TUT7: variants seen among roughly 807,000 people sequenced by gnomAD.
TUT7 encodes the protein terminal uridylyltransferase 7.
Under a neutral mutation model 165.9 loss-of-function variants are expected in TUT7, and 33 were observed. The ratio of observed to expected loss-of-function variants is 0.20; its 90% CI spans 0.15 to 0.27. TUT7 has a LOEUF of 0.27. Among genes scored for constraint, TUT7 ranks in the 10% least tolerant of loss-of-function variants. The pLI, the probability that TUT7 is intolerant of heterozygous loss-of-function variation, is 1.00. For synonymous variants in TUT7, 552 were observed against 608.1 expected, an observed-to-expected ratio of 0.91 and a Z score of 1.36; for missense variants, 1,338 against 1,762.3, an observed-to-expected ratio of 0.76 and a Z score of 4.31.
chr9:86,349,530 T>C (rs907525595), intron 2 of TUT7, among the ~76,000 whole-genome samples: 1 of 152,004 alleles, frequency 6.6e-6, no homozygotes, highest in African/African-American at 2.4e-5. Context: ...GGGGCAGTAA[T>C]GTAGAGCTGA....
rs1828058640 is a variant in TUT7 at position 86,311,588 on chromosome 9, T to TTCCCTCTCCCCTCTCCCCACGGTC, written c.3275-803_3275-780dup. Among the ~76,000 whole-genome samples, 1 of 137,696 alleles carries TTCCCTCTCCCCTCTCCCCACGGTC rather than the reference T, an allele frequency of 7.3e-6. No individual in the cohort carries two copies. Among genetic ancestry groups the TTCCCTCTCCCCTCTCCCCACGGTC allele is most frequent in the Non-Finnish European group, 1.6e-5 (1 of 63,000 alleles). The allele number at this position is 137,696 out of a possible 152,430, so 90.3% of individuals were successfully genotyped here. On this transcript the variant is annotated intron_variant, in intron 17 of 26. Transcript: ENST00000375963. The surrounding 1 kb of genome is among the most constrained non-coding windows in gnomAD (Gnocchi z 4.4). ...GTCCTCTCCCTCTCCCTCTCCCCTC[T>TTCCCTCTCCCCTCTCCCCACGGTC]TCCCTCTCCCCTCTCCCCACGGTCT...
chr9:86,328,510 C>A lies in TUT7; in HGVS notation c.1456-18G>T. 6.3e-7 allele frequency: 1 copy of A among 1,588,878 alleles called. No homozygotes were observed. Among genetic ancestry groups the A allele is most frequent in the Non-Finnish European group, 8.6e-7 (1 of 1,168,254 alleles). On this transcript the variant is annotated intron_variant, in intron 10 of 26. Coordinates refer to ENST00000375963, the MANE Select transcript of TUT7 (RefSeq NM_024617.4). ...CCTTCAATCTAGGAAAAATTAGACA[C>A]ATGCTAAAATAAGATAGAAATAATC...
intron 26 of TUT7, chr9:86,298,880 A>G (rs143453008): frequency 1.1e-6 from 1 of 908,192 alleles, no homozygotes; most frequent in Admixed American, 6.2e-5. Flanking sequence ...AGAGCATCTG[A>G]AACAGCCTTA....
At position 86,303,155 on chromosome 9, in the gene TUT7, G is replaced by A; in HGVS notation, c.4025C>T (p.Pro1342Leu). 1.2e-6 allele frequency: 2 copies of A among 1,610,884 alleles called. No individual in the cohort carries two copies. The highest frequency in any genetic ancestry group is 1.7e-6 in the Non-Finnish European group (2 of 1,178,382). ...ACAAATTCGACAACATCTATCATTT[G>A]GGGCCAGCTCTCCTTCAGTTAACAC... ...PDVLTEGELA[P>L]NDRCCRICGK... Residue 1342 changes from proline (P) to leucine (L), a missense_variant, in exon 25 of 27, where the codon CCA becomes CTA. Around this residue, in one of 7 missense-constraint regions of TUT7, gnomAD observed 167 missense variants for 204.9 expected, o/e 0.82. Transcript: ENST00000375963.
intron 22 of TUT7, among the ~76,000 whole-genome samples, chr9:86,307,311 G>A (rs1009747082): frequency 1.3e-5 from 2 of 151,966 alleles, no homozygotes; most frequent in Admixed American, 1.3e-4. Flanking sequence ...AGTGACAGAT[G>A]ATAAGAACTG....
chr9:86,323,991 C>A (rs748513821), intron 12 of TUT7, 31 bp from the exon 13 acceptor site: 2 of 1,480,370 alleles, frequency 1.4e-6, no homozygotes, highest in Non-Finnish European at 1.8e-6. Flanking sequence ...AAAGAAAAAT[C>A]CATCTCTTCA....
intron 11 of TUT7, 27 bp from the exon 12 acceptor site, chr9:86,325,541 G>A (rs1251576101): frequency 1.3e-6 from 2 of 1,578,582 alleles, no homozygotes; most frequent in Non-Finnish European, 8.6e-7. Context: ...GAAACATACA[G>A]GTTATTTCAG....
At chr9:86,296,478 C>G (rs1278024553) in intron 26 of TUT7, among the ~76,000 whole-genome samples, 1 of 152,154 alleles carries the variant, frequency 6.6e-6, no homozygotes, top group Non-Finnish European at 1.5e-5. Flanking sequence ...CAAGGACATT[C>G]ATGGGATTTT....
intron 2 of TUT7, among the ~76,000 whole-genome samples, chr9:86,352,137 T>C (rs948533273): frequency 6.6e-5 from 10 of 152,154 alleles, no homozygotes; most frequent in African/African-American, 2.4e-4. Context: ...ACGATCCCTT[T>C]TGAAAAACAA....
At chr9:86,347,182 T>A (rs1318482541) in intron 2 of TUT7, among the ~76,000 whole-genome samples, 1 of 152,190 alleles carries the variant, frequency 6.6e-6, no homozygotes, top group Non-Finnish European at 1.5e-5. Flanking sequence ...ACTGAGCATA[T>A]TTCAAAGGAA....
intron 2 of TUT7, among the ~76,000 whole-genome samples, chr9:86,347,515 T>TA (rs1227203713): frequency 6.6e-6 from 1 of 152,140 alleles, no homozygotes; most frequent in Non-Finnish European, 1.5e-5. Flanking sequence ...GTATGGCAAT[T>TA]ACAATGAACT....
At chr9:86,315,995 G>A (rs191062179) in intron 17 of TUT7, among the ~76,000 whole-genome samples, 60 of 152,192 alleles carry the variant, frequency 3.9e-4, no homozygotes, top group Admixed American at 2.7e-3. Context: ...GTGTGTGCAC[G>A]TTCATGCTGT....
At chr9:86,303,580 T>C (rs1827155411) in intron 24 of TUT7, among the ~76,000 whole-genome samples, 1 of 152,188 alleles carries the variant, frequency 6.6e-6, no homozygotes, top group Non-Finnish European at 1.5e-5. Flanking sequence ...TTGAGAAACA[T>C]GATTTGCATC....
chr9:86,312,341 T>A (rs1201307058), intron 17 of TUT7, among the ~76,000 whole-genome samples: 2 of 143,528 alleles, frequency 1.4e-5, no homozygotes, highest in African/African-American at 2.6e-5. Context: ...ACCCTCTGCC[T>A]GGCAACCGCC....
rs748376571 is a variant in TUT7 at position 86,345,740 on chromosome 9, C to T, written c.748G>A (p.Asp250Asn). 3 of 1,613,496 alleles carry T rather than the reference C, an allele frequency of 1.9e-6. No individual in the cohort carries two copies. Among genetic ancestry groups the T allele is most frequent in the East Asian group, 4.5e-5 (2 of 44,872 alleles). Reference protein sequence around the residue: ...PTAKYTCRLCDVLIESIAFAH... With the variant: ...PTAKYTCRLCNVLIESIAFAH... Reference sequence around the variant, plus strand: ...AATGCAATGGATTCAATTAAAACATCACAGAGTCTGCAGGTGTACTTTGCT... The same window carrying T: ...AATGCAATGGATTCAATTAAAACATTACAGAGTCTGCAGGTGTACTTTGCT... Residue 250 changes from aspartate (D) to asparagine (N), a missense_variant, in exon 4 of 27, where the codon GAT becomes AAT. Physicochemically the swap from Asp to Asn is conservative, Grantham distance 23. Around this residue, in one of 7 missense-constraint regions of TUT7, gnomAD observed 434 missense variants for 480.8 expected, o/e 0.90. Transcript: ENST00000375963.
chr9:86,351,970 T>C (rs1437940578), intron 2 of TUT7, among the ~76,000 whole-genome samples: 1 of 152,236 alleles, frequency 6.6e-6, no homozygotes, highest in East Asian at 1.9e-4. Context: ...ATCTACTTTT[T>C]ACTTTTAGAA....
chr9:86,306,521 T>A (rs1827500395), intron 22 of TUT7, among the ~76,000 whole-genome samples: 1 of 152,224 alleles, frequency 6.6e-6, no homozygotes, highest in African/African-American at 2.4e-5. Context: ...AAGAAACTAC[T>A]ACTGGCTGGG....
chr9:86,308,881 G>A (rs533321171), intron 21 of TUT7, among the ~76,000 whole-genome samples: 7 of 152,142 alleles, frequency 4.6e-5, no homozygotes, highest in African/African-American at 9.7e-5. Flanking sequence ...TTGGTAATAC[G>A]TAGGTTATTA....
chr9:86,308,371 T>C lies in TUT7; in HGVS notation c.3838+58A>G, dbSNP rs3780534. 5.7e-4 allele frequency: 843 copies of C among 1,471,098 alleles called. 21 individuals carry two copies. The East Asian group carries it at 0.019, about 34-fold the overall frequency. The allele number at this position is 1,471,098 out of a possible 1,614,324, so 91.1% of individuals were successfully genotyped here. A position where few individuals can be genotyped will look rare whatever the true frequency, so the allele number is the denominator to read the frequency against. On this transcript the variant is annotated intron_variant, in intron 22 of 26. Transcript: ENST00000375963. ...AGAGCTCTGCAAGGAGGAAGAACAA[T>C]GTCCTTATAGTTCAAGCTCTATAGT...
Sources: allele counts gnomAD v4.1 joint callset (sites outside exome capture counted in the v4.1 genomes callset), GRCh38; gene constraint gnomAD v4.1.1; regional missense constraint gnomAD v4.1.1; non-coding constraint Gnocchi (gnomAD v3.1); transcripts MANE v1.5; gene names NCBI Gene and HGNC (gene_info 2026-07-23, HGNC 2026-07-21).